The following RAPGEF5 variants were observed in gnomAD, a reference collection of about 807,000 sequenced individuals.
RAPGEF5 encodes the protein M-Ras-regulated GEF.
A neutral mutation model predicts 125.2 loss-of-function variants in RAPGEF5; 65 were observed. That is an observed-to-expected ratio of 0.52 (90% CI 0.43 to 0.64). The LOEUF is 0.64. Among genes scored for constraint, RAPGEF5 ranks in the 30% least tolerant of loss-of-function variants. The pLI is 0.00. For missense variants in RAPGEF5, 958 were observed against 1,048.1 expected (o/e 0.91, Z 1.19); for synonymous variants, 391 against 385.9 (o/e 1.01, Z -0.16).
chr7:22,316,479 A>T (rs1583574010), intron 2 of RAPGEF5, among the ~76,000 whole-genome samples: 1 of 92,816 alleles, frequency 1.1e-5, no homozygotes, highest in African/African-American at 5.3e-5. Context: ...ATATATATAT[A>T]TATATATATA....
chr7:22,307,993 C>T (rs920814126), intron 5 of RAPGEF5, among the ~76,000 whole-genome samples: 3 of 152,110 alleles, frequency 2.0e-5, no homozygotes, highest in Non-Finnish European at 2.9e-5. Context: ...AGGAAAGTCA[C>T]GATTTGGATA....
Position 22,125,613 on chromosome 7 carries a change from T to C in RAPGEF5, c.2527A>G (p.Asn843Asp). Reference sequence around the variant, plus strand: ...GACTTCAATTACTCACCAAACTGGTTAGTCCTGCAGTGTCTCAGGGTTCGG... The same window carrying C: ...GACTTCAATTACTCACCAAACTGGTCAGTCCTGCAGTGTCTCAGGGTTCGG... Reference protein sequence around the residue: ...TVRTLRHCRTNQFGDLSPKEH... With the variant: ...TVRTLRHCRTDQFGDLSPKEH... Residue 843 changes from asparagine to aspartate, a missense_variant, in exon 25 of 26, where the codon AAC becomes GAC. Physicochemically the swap from Asn to Asp is conservative, Grantham distance 23 (BLOSUM62 1). Coordinates refer to ENST00000665637, the MANE Select transcript of RAPGEF5 (RefSeq NM_012294.5). 1.2e-6 allele frequency: 2 copies of C among 1,611,226 alleles called. No individual in the cohort carries two copies. Among genetic ancestry groups the C allele is most frequent in the Non-Finnish European group, 1.7e-6 (2 of 1,177,408 alleles).
At chr7:22,275,034 G>C (rs1027884683) in intron 6 of RAPGEF5, among the ~76,000 whole-genome samples, 1 of 151,944 alleles carries the variant, frequency 6.6e-6, no homozygotes, top group African/African-American at 2.4e-5. Context: ...CTATTCCCTG[G>C]ATGGACTATG....
chr7:22,234,045 CATT>C (rs1485235499), intron 7 of RAPGEF5, among the ~76,000 whole-genome samples: 1 of 152,102 alleles, frequency 6.6e-6, no homozygotes, highest in Non-Finnish European at 1.5e-5. Flanking sequence ...GCGTAAATAA[CATT>C]ATTTTCTTGG....
chr7:22,177,569 C>T (rs867473114), intron 11 of RAPGEF5, among the ~76,000 whole-genome samples: 4 of 152,342 alleles, frequency 2.6e-5, no homozygotes, highest in Middle Eastern at 6.8e-3. Context: ...TTATTGACCA[C>T]AAACTGTGCC....
chr7:22,169,009 T>A (rs1207726805), intron 11 of RAPGEF5, among the ~76,000 whole-genome samples: 1 of 152,236 alleles, frequency 6.6e-6, no homozygotes, highest in South Asian at 2.1e-4. Flanking sequence ...TAAACTTACA[T>A]TGTTGTATCA....
chr7:22,201,936 C>T (rs919129792), intron 9 of RAPGEF5, among the ~76,000 whole-genome samples: 6 of 151,976 alleles, frequency 3.9e-5, no homozygotes, highest in Non-Finnish European at 8.8e-5. Context: ...TTTGGTTTTA[C>T]ATCCAGAACA....
intron 11 of RAPGEF5, among the ~76,000 whole-genome samples, chr7:22,181,564 C>T (rs1267457083): frequency 1.3e-5 from 2 of 152,182 alleles, no homozygotes; most frequent in Admixed American, 6.5e-5. Flanking sequence ...GAAAAGGCTA[C>T]AGAATTGTTC....
intron 7 of RAPGEF5, among the ~76,000 whole-genome samples, chr7:22,246,450 C>T (rs1192103939): frequency 3.9e-5 from 6 of 152,204 alleles, no homozygotes; most frequent in East Asian, 3.9e-4. Context: ...TGATCTCTGA[C>T]AAAATCAACA....
chr7:22,140,820 G>A (rs978743814), intron 20 of RAPGEF5, among the ~76,000 whole-genome samples: 6 of 152,114 alleles, frequency 3.9e-5, no homozygotes, highest in African/African-American at 1.2e-4. Flanking sequence ...GGGGGAGCTC[G>A]GGATTTCACG....
At chr7:22,251,281 C>G (rs367684976) in intron 7 of RAPGEF5, among the ~76,000 whole-genome samples, 1 of 152,160 alleles carries the variant, frequency 6.6e-6, no homozygotes, top group Non-Finnish European at 1.5e-5. Context: ...TGCCACCCCC[C>G]CAGCAACCAC....
chr7:22,331,015 T>C (rs942671976), intron 1 of RAPGEF5, among the ~76,000 whole-genome samples: 5 of 152,314 alleles, frequency 3.3e-5, no homozygotes, highest in Admixed American at 3.3e-4. Flanking sequence ...CTTTGATCCC[T>C]GCCCCACAGC....
At chr7:22,352,262 T>C (rs540994104) in intron 1 of RAPGEF5, among the ~76,000 whole-genome samples, 1 of 152,292 alleles carries the variant, frequency 6.6e-6, no homozygotes, top group East Asian at 1.9e-4. Flanking sequence ...TCAGTTCTTT[T>C]ATTAGGGGGA....
chr7:22,292,979 C>T (rs1448315394), intron 5 of RAPGEF5, among the ~76,000 whole-genome samples: 1 of 151,982 alleles, frequency 6.6e-6, no homozygotes, highest in Non-Finnish European at 1.5e-5. Context: ...GTTTTAGTGA[C>T]AAACAATTTA....
rs542307406 is a variant in RAPGEF5, at chr7:22,176,801, G to C, written c.1205-9653C>G. 2.0e-5 allele frequency among the ~76,000 whole-genome samples: 3 copies of C among 152,192 alleles called. No homozygotes were observed. The East Asian group carries it at 5.8e-4, about 29-fold the overall frequency. The stretch of plus-strand genomic sequence containing the variant: ...CCACCTCGGCCTCCCAAAGTGCTGG[G>C]ATTACAGGCGTGAGCCACTGCGCCT... On this transcript the variant is annotated intron_variant, in intron 11 of 25. Transcript: ENST00000665637.
At chr7:22,283,886 G>T (rs2528917) in intron 6 of RAPGEF5, among the ~76,000 whole-genome samples, 26,999 of 151,964 alleles carry the variant, frequency 0.18, 2,458 homozygotes, top group Admixed American at 0.21. Context: ...AACACATAAA[G>T]ATAAATTTCC....
Position 22,314,414 on chromosome 7 carries a change from C to A in RAPGEF5, c.389+956G>T, listed in dbSNP as rs550871324. Among the ~76,000 whole-genome samples the A allele has an allele frequency of 2.0e-5, 3 of 152,158 alleles. No homozygotes were observed. The South Asian group carries it at 6.2e-4, about 32-fold the overall frequency. On this transcript the variant is annotated intron_variant, in intron 3 of 25. Transcript: ENST00000665637. ...TCAGTACAAAGGGGGTCGGTGGTCTCACTCTGATAGTCTGGGAATTACTAT... is the reference window on the plus strand; with the variant it reads ...TCAGTACAAAGGGGGTCGGTGGTCTAACTCTGATAGTCTGGGAATTACTAT...
chr7:22,131,166 G>A, intron 23 of RAPGEF5, 65 bp from the exon 24 acceptor site: 1 of 1,455,506 alleles, frequency 6.9e-7, no homozygotes, highest in Non-Finnish European at 9.1e-7. Flanking sequence ...GGGCTGAAGA[G>A]GTCTAGGTAC....
At chr7:22,147,776 A>G (rs1329899377) in intron 18 of RAPGEF5, among the ~76,000 whole-genome samples, 2 of 152,220 alleles carry the variant, frequency 1.3e-5, no homozygotes, top group Non-Finnish European at 2.9e-5. Context: ...TCTAATGAAA[A>G]TATAAATTCT....
Sources: allele counts gnomAD v4.1 joint callset (sites outside exome capture counted in the v4.1 genomes callset), GRCh38; gene constraint gnomAD v4.1.1; transcripts MANE v1.5; gene names NCBI Gene and HGNC (gene_info 2026-07-23, HGNC 2026-07-21).